Variants in CDC14A observed in about 807,000 individuals in gnomAD.
CDC14A encodes cell division cycle 14A, also known as dual specificity protein phosphatase CDC14A.
A neutral mutation model predicts 74.4 loss-of-function variants in CDC14A; 53 were observed. The observed-to-expected ratio is 0.71, with a 90% confidence interval of 0.57 to 0.89. CDC14A has a LOEUF of 0.89. Among genes scored for constraint, CDC14A ranks in the 40% least tolerant of loss-of-function variants. The pLI is 0.00. For synonymous variants in CDC14A, 247 were observed against 258.4 expected (o/e 0.96, Z 0.43); for missense variants, 646 against 713.7 (o/e 0.91, Z 1.08).
intron 4 of CDC14A, chr1:100,424,007 G>C (rs1362720252): frequency 2.0e-6 from 1 of 493,838 alleles, no homozygotes; most frequent in Non-Finnish European, 3.7e-6. Context: ...TCATGGATCT[G>C]CCCTCTGTCT....
chr1:100,500,825 TGTGTGTGTGTGTGTGTGTGTG>T (rs1648637036), intron 15 of CDC14A, among the ~76,000 whole-genome samples: 1 of 131,946 alleles, frequency 7.6e-6, no homozygotes, highest in African/African-American at 3.9e-5. Context: ...TGTGTGTGTG[TGTGTGTGTGTGTGTGTGTGTG>T]TGTGTGTTCA....
intron 6 of CDC14A, among the ~76,000 whole-genome samples, chr1:100,440,351 T>C (rs1664790816): frequency 6.6e-6 from 1 of 152,154 alleles, no homozygotes; most frequent in Non-Finnish European, 1.5e-5. Context: ...ACTGTGCTCC[T>C]CTGCTGCTTG....
chr1:100,399,334 A>G (rs1478677581), intron 4 of CDC14A, among the ~76,000 whole-genome samples: 1 of 152,124 alleles, frequency 6.6e-6, no homozygotes, highest in Non-Finnish European at 1.5e-5. Flanking sequence ...CTCTTTCTAT[A>G]TTATAAGTGT....
chr1:100,505,660 C>G (rs920722090), intron 15 of CDC14A, among the ~76,000 whole-genome samples: 2 of 152,102 alleles, frequency 1.3e-5, no homozygotes, highest in Admixed American at 1.3e-4. Context: ...GTAGTGTTTC[C>G]CGATATCAAC....
At chr1:100,367,957 A>G (rs556050024) in intron 2 of CDC14A, among the ~76,000 whole-genome samples, 2 of 152,242 alleles carry the variant, frequency 1.3e-5, no homozygotes, top group Non-Finnish European at 2.9e-5. Flanking sequence ...CTAGATCCTC[A>G]CCTATTTTTC....
chr1:100,496,817 C>T (rs139603614), intron 13 of CDC14A, among the ~76,000 whole-genome samples: 30 of 152,270 alleles, frequency 2.0e-4, no homozygotes, highest in African/African-American at 7.2e-4. Flanking sequence ...AAAGAGTCTA[C>T]AAGTAAATAA....
chr1:100,512,263 CTCT>C (rs1436578581), intron 15 of CDC14A, among the ~76,000 whole-genome samples: 1 of 152,052 alleles, frequency 6.6e-6, no homozygotes, highest in Non-Finnish European at 1.5e-5. Context: ...TCAGAAACAT[CTCT>C]TGTTTCCTGA....
At chr1:100,394,848 A>G (rs1279429178) in intron 4 of CDC14A, among the ~76,000 whole-genome samples, 1 of 152,200 alleles carries the variant, frequency 6.6e-6, no homozygotes, top group African/African-American at 2.4e-5. Context: ...TATTGTTTGT[A>G]TGTATTTACT....
intron 3 of CDC14A, among the ~76,000 whole-genome samples, chr1:100,378,479 A>G (rs1054842398): frequency 1.3e-5 from 2 of 152,210 alleles, no homozygotes; most frequent in Admixed American, 1.3e-4. Context: ...GTTACATAGT[A>G]CAATGCCTTG....
At chr1:100,368,742 T>C (rs1481600174) in intron 2 of CDC14A, among the ~76,000 whole-genome samples, 1 of 152,196 alleles carries the variant, frequency 6.6e-6, no homozygotes, top group Non-Finnish European at 1.5e-5. Flanking sequence ...TACTCCCTTC[T>C]TCCCTCCCCA....
intron 4 of CDC14A, among the ~76,000 whole-genome samples, chr1:100,411,475 T>A (rs1432295199): frequency 6.6e-6 from 1 of 152,202 alleles, no homozygotes; most frequent in Non-Finnish European, 1.5e-5. Context: ...TTTTCCTTCC[T>A]TTTCCTCCTT....
In CDC14A at chr1:100,410,210, TA is replaced by T. The variant is rs879569475; in HGVS notation, c.310-14000del. Among the ~76,000 whole-genome samples, 197 of 135,848 alleles carry T rather than the reference TA, an allele frequency of 1.5e-3. 1 individual carries two copies. The highest frequency in any genetic ancestry group is 3.7e-3 in the South Asian group (16 of 4,356). 89.1% of individuals were successfully genotyped at this position (135,848 alleles called of 152,430 possible). On this transcript the variant is annotated intron_variant, in intron 4 of 15. Transcript: ENST00000336454. ...CTGGGTGACTGAGTAAGACTCTGGCTAAAAAAAAAAAAGAAAAAAAAATTTT... is the reference window on the plus strand; with the variant it reads ...CTGGGTGACTGAGTAAGACTCTGGCTAAAAAAAAAAAGAAAAAAAAATTTT...
chr1:100,498,770 A>T (rs1463957642), intron 14 of CDC14A, among the ~76,000 whole-genome samples, 159 bp from the exon 15 acceptor site: 1 of 152,194 alleles, frequency 6.6e-6, no homozygotes, highest in East Asian at 1.9e-4. Flanking sequence ...TCATAACACC[A>T]AGGGTGATGA....
In CDC14A at chr1:100,519,642, T is replaced by C. The variant is rs1650527586; in HGVS notation, c.*1362T>C. 6.6e-6 allele frequency: 1 copy of C among 152,588 alleles called. No homozygotes were observed. The highest frequency in any genetic ancestry group is 6.5e-5 in the Admixed American group (1 of 15,272). The allele number at this position is 152,588 out of a possible 1,614,324, so 9.5% of individuals were successfully genotyped here. On this transcript the variant is annotated 3_prime_UTR_variant, in exon 16 of 16. Transcript: ENST00000336454. ...ATCAAAACATCTTGTTCATGTTTTATGTTTTTAAAAAAGGCATTTGAATGA... is the reference window on the plus strand; with the variant it reads ...ATCAAAACATCTTGTTCATGTTTTACGTTTTTAAAAAAGGCATTTGAATGA...
At chr1:100,414,583 T>G (rs1236860104) in intron 4 of CDC14A, among the ~76,000 whole-genome samples, 1 of 152,198 alleles carries the variant, frequency 6.6e-6, no homozygotes, top group Non-Finnish European at 1.5e-5. Flanking sequence ...TGGAAAGTTT[T>G]ATGAAATGAA....
Position 100,488,134 on chromosome 1 carries a change from A to G in CDC14A, c.1137+3683A>G, listed in dbSNP as rs147397453. On this transcript the variant is annotated intron_variant, in intron 11 of 15. Transcript: ENST00000336454. Reference sequence around the variant, plus strand: ...ACATTTAGGGGCCTATGGGTCCATTATGGCTTGGAGTTATCTTAAAAGATA... The same window carrying G: ...ACATTTAGGGGCCTATGGGTCCATTGTGGCTTGGAGTTATCTTAAAAGATA... 3.2e-4 allele frequency among the ~76,000 whole-genome samples: 49 copies of G among 152,336 alleles called. 1 individual carries two copies. The highest frequency in any genetic ancestry group is 1.1e-3 in the African/African-American group (47 of 41,578).
intron 10 of CDC14A, among the ~76,000 whole-genome samples, chr1:100,481,997 C>A (rs550399225): frequency 1.3e-5 from 2 of 152,174 alleles, no homozygotes; most frequent in African/African-American, 4.8e-5. Flanking sequence ...GAAGCACTTG[C>A]GTACAGCATT....
intron 5 of CDC14A, among the ~76,000 whole-genome samples, chr1:100,433,242 T>G (rs1663927863): frequency 6.6e-6 from 1 of 152,198 alleles, no homozygotes; most frequent in Non-Finnish European, 1.5e-5. Flanking sequence ...TTGAATGAAC[T>G]CTTGGTAATG....
At chr1:100,393,413 A>G in intron 4 of CDC14A, 2 of 804,652 alleles carry the variant, frequency 2.5e-6, no homozygotes, top group South Asian at 1.3e-5. Flanking sequence ...CAGTAATGCC[A>G]TTTTTTTGAC....
Sources: gnomAD v4.1 joint callset for allele counts (sites outside exome capture counted in the v4.1 genomes callset) on GRCh38, gnomAD v4.1.1 for gene constraint, MANE v1.5 for transcripts, NCBI Gene and HGNC (gene_info 2026-07-23, HGNC 2026-07-21) for gene names.